Variants in SNED1 observed in about 807,000 individuals in gnomAD.
The protein encoded by SNED1 is sushi, nidogen and EGF like domains 1.
Under a neutral mutation model 166.7 loss-of-function variants are expected in SNED1, and 81 were observed. That is an observed-to-expected ratio of 0.49 (90% CI 0.41 to 0.58). The LOEUF is 0.58. Ranked by LOEUF, SNED1 falls within the 20% of genes least tolerant of loss-of-function variation. SNED1 has a pLI of 0.00. For missense variants in SNED1, 1,604 were observed against 2,000.2 expected, an observed-to-expected ratio of 0.80 and a Z score of 3.78; for synonymous variants, 762 against 822.0, an observed-to-expected ratio of 0.93 and a Z score of 1.25.
chr2:241,057,380 A>AAAAAAAATATATATATATATAT (rs377141068), intron 16 of SNED1, among the ~76,000 whole-genome samples: 2 of 118,110 alleles, frequency 1.7e-5, no homozygotes, highest in African/African-American at 7.6e-5. Flanking sequence ...TCCATCTCAA[A>AAAAAAAATATATATATATATAT]ATATATATAT....
At chr2:241,084,134 A>AT (rs368364855) in intron 29 of SNED1, among the ~76,000 whole-genome samples, 32,940 of 123,088 alleles carry the variant, frequency 0.27, 4,560 homozygotes, top group Middle Eastern at 0.33. Context: ...AGCGTCTAGG[A>AT]TTTTTTTTTT....
intron 27 of SNED1, chr2:241,074,148 G>A (rs923854590): frequency 2.8e-4 from 43 of 152,250 alleles, no homozygotes; most frequent in African/African-American, 1.0e-3. Flanking sequence ...CCTAGTACTT[G>A]GTAAAGGTGT....
chr2:241,074,070 C>T (rs6754476), intron 27 of SNED1: 2,921 of 152,390 alleles, frequency 0.019, 75 homozygotes, highest in African/African-American at 0.066. Context: ...CACCCGGTGA[C>T]CTGTTCTCCC....
At chr2:240,997,810 C>A (rs1559200452), upstream of SNED1, among the ~76,000 whole-genome samples, 3 of 152,200 alleles carry the variant, frequency 2.0e-5, no homozygotes, top group East Asian at 5.8e-4. Context: ...AGGAATCAGA[C>A]CCTGCCATGG....
chr2:241,070,242 T>C, intron 24 of SNED1, 41 bp downstream of exon 24: 1 of 1,558,048 alleles, frequency 6.4e-7, no homozygotes, highest in Non-Finnish European at 8.6e-7. Flanking sequence ...GGCCAGTGTT[T>C]GCCAGCCCTC....
chr2:241,087,599 T>C lies in SNED1; in HGVS notation c.4205+124T>C, dbSNP rs535155381. 11 of 1,450,102 alleles carry C rather than the reference T, an allele frequency of 7.6e-6. No individual in the cohort carries two copies. The East Asian group carries it at 1.8e-4, about 23-fold the overall frequency. The allele number at this position is 1,450,102 out of a possible 1,614,324, so 89.8% of individuals were successfully genotyped here. ...GAGCCAGGCGGTCTACTCGCCCAGA[T>C]AGGCAGCCCCTGGGCAGCCACGTTC... On this transcript the variant is annotated intron_variant, in intron 30 of 31. Transcript: ENST00000310397.
chr2:241,023,539 G>A (rs1349303060), intron 1 of SNED1, among the ~76,000 whole-genome samples: 4 of 151,752 alleles, frequency 2.6e-5, no homozygotes, highest in Non-Finnish European at 5.9e-5. Context: ...TATTTGCATT[G>A]TTCAGATTTT....
rs933184846 is a variant in SNED1 at position 241,053,041 on chromosome 2, G to A, written c.2084-112G>A. 5.9e-6 allele frequency: 6 copies of A among 1,012,102 alleles called. No homozygotes were observed. In the African/African-American group the frequency reaches 6.4e-5, roughly 11 times the overall value. The allele number at this position is 1,012,102 out of a possible 1,614,324, so 62.7% of individuals were successfully genotyped here. On this transcript the variant is annotated intron_variant, in intron 15 of 31. Coordinates refer to ENST00000310397, the MANE Select transcript of SNED1 (RefSeq NM_001080437.3). ...AGGCACCTTTCCCCGGTGAAGGGCA[G>A]TGTGGGAGCAGGACATCCCTGGGCC...
At chr2:241,090,286 A>G (rs1344530535) in intron 31 of SNED1, 18 of 1,546,656 alleles carry the variant, frequency 1.2e-5, no homozygotes, top group Non-Finnish European at 1.5e-5. Flanking sequence ...ACACAGGGGC[A>G]GGATCATCCA....
In SNED1 at chr2:241,048,349, C is replaced by G. The variant is rs2061724390; in HGVS notation, c.1308C>G (p.Ala436=). Residue 436 remains alanine, a synonymous_variant, in exon 9 of 32, where the codon GCC becomes GCG. Coordinates refer to ENST00000310397, the MANE Select transcript of SNED1 (RefSeq NM_001080437.3). ...DHPVPDACLS[A]PCHNGGTCVD... ...CAGTGCCAGACGCCTGCCTCTCGGC[C>G]CCTTGCCACAATGGGGGCACCTGTG... The G allele has an allele frequency of 6.2e-7, 1 of 1,610,898 alleles. No individual in the cohort carries two copies. The highest frequency in any genetic ancestry group is 8.5e-7 in the Non-Finnish European group (1 of 1,178,818).
chr2:241,072,315 T>C, intron 26 of SNED1: 1 of 427,086 alleles, frequency 2.3e-6, no homozygotes, highest in South Asian at 1.7e-5. Flanking sequence ...ATCTTCCCGG[T>C]GGCAGCAAGG....
At position 241,040,393 on chromosome 2, in the gene SNED1, A is replaced by G; in HGVS notation, c.1253A>G (p.Lys418Arg). The G allele has an allele frequency of 6.2e-7, 1 of 1,600,068 alleles. No individual in the cohort carries two copies. The highest frequency in any genetic ancestry group is 1.1e-5 in the South Asian group (1 of 88,408). Residue 418 changes from lysine (K) to arginine (R), a missense_variant, in exon 8 of 32, where the codon AAG becomes AGG. Around this residue, in one of 2 missense-constraint regions of SNED1, gnomAD observed 1,237 missense variants for 1,620.8 expected, o/e 0.76. Coordinates refer to ENST00000310397, the MANE Select transcript of SNED1 (RefSeq NM_001080437.3). The part of the protein sequence containing the change: ...NYTCLCAEPF[K>R]GLRCETGDHP... The stretch of plus-strand genomic sequence containing the variant: ...ACCTGCTTGTGTGCCGAGCCCTTCA[A>G]GGGACTTCGCTGTGAGACAGGTAAC...
chr2:241,087,976 G>C, intron 30 of SNED1: 1 of 398,760 alleles, frequency 2.5e-6, no homozygotes, highest in Non-Finnish European at 4.4e-6. Context: ...CCAATGAGTA[G>C]CCACACGTAC....
At chr2:241,037,199 G>A (rs769808687) in intron 5 of SNED1, 41 bp from the exon 6 acceptor site, 7 of 737,934 alleles carry the variant, frequency 9.5e-6, no homozygotes, top group African/African-American at 8.5e-5. Context: ...CTCCTCATCC[G>A]GGTTCCCGCC....
At chr2:241,071,186 A>G (rs1458863154) in intron 24 of SNED1, among the ~76,000 whole-genome samples, 1 of 152,124 alleles carries the variant, frequency 6.6e-6, no homozygotes, top group African/African-American at 2.4e-5. Flanking sequence ...TCCCAGCTGA[A>G]GCGTCCCATC....
chr2:241,090,546 C>T, intron 31 of SNED1: 1 of 1,346,492 alleles, frequency 7.4e-7, no homozygotes, highest in East Asian at 2.5e-5. Flanking sequence ...ATGTGCTAGA[C>T]TTCTATACAC....
At chr2:241,078,191 T>C (rs2063128351) in intron 27 of SNED1, among the ~76,000 whole-genome samples, 1 of 150,308 alleles carries the variant, frequency 6.7e-6, no homozygotes. Context: ...GAGACAAGTC[T>C]GGCCAACGCG....
intron 27 of SNED1, chr2:241,074,290 C>G (rs1163897407): frequency 1.3e-5 from 2 of 151,932 alleles, no homozygotes; most frequent in East Asian, 1.9e-4. Flanking sequence ...TTCACCATCC[C>G]CCCCCCGCCC....
chr2:241,090,061 AC>A, intron 31 of SNED1: 1 of 1,523,558 alleles, frequency 6.6e-7, no homozygotes, highest in South Asian at 1.3e-5. Context: ...TAAGAAATTA[AC>A]CTTAGCTTAC....
Sources: gnomAD v4.1 joint callset for allele counts (sites outside exome capture counted in the v4.1 genomes callset) on GRCh38, gnomAD v4.1.1 for gene constraint, gnomAD v4.1.1 regional missense constraint, MANE v1.5 for transcripts, NCBI Gene and HGNC (gene_info 2026-07-23, HGNC 2026-07-21) for gene names.